The following PIWIL2 variants were observed in gnomAD, a reference collection of about 807,000 sequenced individuals.
PIWIL2 encodes piwi-like protein 2.
A neutral mutation model predicts 116.5 loss-of-function variants in PIWIL2; 81 were observed. The ratio of observed to expected loss-of-function variants is 0.70; its 90% confidence interval spans 0.58 to 0.84. PIWIL2 has a LOEUF of 0.84. Among genes scored for constraint, PIWIL2 ranks in the 40% least tolerant of loss-of-function variants. PIWIL2 has a pLI of 0.00. For missense variants in PIWIL2, 1,272 were observed against 1,212.3 expected (o/e 1.05, Z -0.73); for synonymous variants, 489 against 429.5 (o/e 1.14, Z -1.71).
At chr8:22,282,279 G>GTCTCACTC (rs1183041843) in intron 4 of PIWIL2, among the ~76,000 whole-genome samples, 2 of 92,980 alleles carry the variant, frequency 2.2e-5, no homozygotes, top group South Asian at 7.8e-4. Flanking sequence ...TTTGGAGACA[G>GTCTCACTC]TCTCACTCTG....
intron 10 of PIWIL2, among the ~76,000 whole-genome samples, chr8:22,292,852 CT>C (rs2132006154): frequency 6.6e-6 from 1 of 152,270 alleles, no homozygotes; most frequent in Non-Finnish European, 1.5e-5. Context: ...TGTGTCTCTC[CT>C]GATTTCTCAG....
chr8:22,347,712 A>G (rs1379298642), intron 20 of PIWIL2, among the ~76,000 whole-genome samples: 1 of 150,734 alleles, frequency 6.6e-6, no homozygotes, highest in Non-Finnish European at 1.5e-5. Context: ...TTTTTAGTAG[A>G]GACGGGGTTT....
chr8:22,283,565 C>G (rs770667176), intron 5 of PIWIL2, among the ~76,000 whole-genome samples: 6 of 152,172 alleles, frequency 3.9e-5, no homozygotes, highest in Admixed American at 2.0e-4. Flanking sequence ...CCCGCCATCA[C>G]CCCCACCTAA....
chr8:22,347,516 CTTT>C (rs1218303089), intron 20 of PIWIL2, among the ~76,000 whole-genome samples: 36 of 98,468 alleles, frequency 3.7e-4, no homozygotes, highest in Admixed American at 1.5e-3. Context: ...TGTGCCTGGC[CTTT>C]TTTTTTTTTT....
intron 2 of PIWIL2, among the ~76,000 whole-genome samples, chr8:22,280,036 A>G (rs1356775727): frequency 6.6e-6 from 1 of 152,160 alleles, no homozygotes; most frequent in Non-Finnish European, 1.5e-5. Context: ...TTTAACAAGT[A>G]GATACATCTG....
chr8:22,339,220 A>G (rs1279749415), intron 20 of PIWIL2, among the ~76,000 whole-genome samples: 1 of 152,134 alleles, frequency 6.6e-6, no homozygotes, highest in African/African-American at 2.4e-5. Flanking sequence ...TTAAAACTAT[A>G]AAACTGGCCA....
chr8:22,332,423 T>C (rs748159504), intron 20 of PIWIL2, among the ~76,000 whole-genome samples: 1 of 152,056 alleles, frequency 6.6e-6, no homozygotes, highest in South Asian at 2.1e-4. Flanking sequence ...CAGAAACATC[T>C]GAAAAGACGA....
intron 10 of PIWIL2, 90 bp from the exon 11 acceptor site, chr8:22,303,931 A>G (rs2132029713): frequency 1.3e-6 from 1 of 790,898 alleles, no homozygotes. Context: ...TATAGCTGTG[A>G]TTAGATTCCT....
chr8:22,290,706 C>T (rs916240658), intron 10 of PIWIL2, among the ~76,000 whole-genome samples: 1 of 149,340 alleles, frequency 6.7e-6, no homozygotes, highest in Non-Finnish European at 1.5e-5. Flanking sequence ...CCTACCTCAG[C>T]CTCTCAAGGT....
intron 9 of PIWIL2, 104 bp from the exon 10 acceptor site, chr8:22,290,129 C>A: frequency 1.3e-6 from 1 of 741,510 alleles, no homozygotes; most frequent in Non-Finnish European, 2.3e-6. Context: ...TTTCTCATTA[C>A]TATTAGGGAA....
chr8:22,322,032 T>C (rs74991958), intron 20 of PIWIL2: 1 of 960,584 alleles, frequency 1.0e-6, no homozygotes, highest in Admixed American at 6.2e-5. Flanking sequence ...TTTTTTTTTT[T>C]GTAAATAAAC....
chr8:22,318,332 T>C (rs1831515780), intron 20 of PIWIL2, 57 bp downstream of exon 20: 1 of 997,678 alleles, frequency 1.0e-6, no homozygotes, highest in African/African-American at 1.6e-5. Flanking sequence ...TATTTTTTTT[T>C]TTGAGACAGA....
At position 22,355,781 on chromosome 8, in the gene PIWIL2, T is replaced by TA; in HGVS notation, c.*278dup. On this transcript the variant is annotated 3_prime_UTR_variant, in exon 23 of 23. Transcript: ENST00000356766. ...GGAGCGGGTGACTCTGGGGGACCAT[T>TA]AAGACCTCCAGACCGGGTGCGGTGG... 2 of 415,012 alleles carry TA rather than the reference T, an allele frequency of 4.8e-6. No homozygotes were observed. Among genetic ancestry groups the TA allele is most frequent in the East Asian group, 9.0e-5 (2 of 22,274 alleles). The allele number at this position is 415,012 out of a possible 1,614,324, so 25.7% of individuals were successfully genotyped here.
At chr8:22,314,950 G>A in intron 17 of PIWIL2, 79 bp from the exon 18 acceptor site, 2 of 750,502 alleles carry the variant, frequency 2.7e-6, no homozygotes, top group African/African-American at 1.7e-5. Flanking sequence ...CAAATGTAAT[G>A]TTTACTTTAG....
rs750918149 is a variant in PIWIL2, at chr8:22,281,381, A to G, written c.291A>G (p.Arg97=). ...PLKREMLPSG[R]GILGRGLSAN... is the part of the protein sequence containing the mutation. ...GGGTTCGGTTCTTTCTTTCAGGTAGAGGCATTTTAGGTCGAGGCTTGTCTG... is the reference window on the plus strand; with the variant it reads ...GGGTTCGGTTCTTTCTTTCAGGTAGGGGCATTTTAGGTCGAGGCTTGTCTG... The change falls in exon 4 of 23, where the codon AGA becomes AGG. Residue 97 remains arginine (R), a synonymous_variant. Coordinates refer to ENST00000356766, the MANE Select transcript of PIWIL2 (RefSeq NM_018068.5). 4 of 1,609,198 alleles carry G rather than the reference A, an allele frequency of 2.5e-6. No individual in the cohort carries two copies. The highest frequency in any genetic ancestry group is 1.7e-4 in the Middle Eastern group (1 of 6,050).
At chr8:22,331,697 C>T (rs1321257902) in intron 20 of PIWIL2, among the ~76,000 whole-genome samples, 2 of 151,998 alleles carry the variant, frequency 1.3e-5, no homozygotes, top group African/African-American at 2.4e-5. Context: ...AATTTATTTC[C>T]TCACAGTTTC....
chr8:22,305,342 G>A (rs930392690), intron 12 of PIWIL2, among the ~76,000 whole-genome samples: 17 of 151,972 alleles, frequency 1.1e-4, no homozygotes, highest in Admixed American at 2.6e-4. Flanking sequence ...ACAGGAGCCC[G>A]CCACCACCCC....
chr8:22,277,617 C>CA (rs1297150418), intron 1 of PIWIL2, among the ~76,000 whole-genome samples: 1 of 152,096 alleles, frequency 6.6e-6, no homozygotes, highest in Non-Finnish European at 1.5e-5. Context: ...ATGGTCCTCC[C>CA]ACCTGGGCCT....
chr8:22,295,966 T>C lies in PIWIL2; in HGVS notation c.1181+5620T>C, dbSNP rs527255275. 2.0e-5 allele frequency among the ~76,000 whole-genome samples: 3 copies of C among 151,052 alleles called. No individual in the cohort carries two copies. The East Asian group carries it at 5.8e-4, about 29-fold the overall frequency. On this transcript the variant is annotated intron_variant, in intron 10 of 22. Transcript: ENST00000356766. ...AGAATCTGATCGGCTTCAGTTCGGC[T>C]GGTTGCTCTCCCGGCTGGCTGAACC...
Sources: allele counts gnomAD v4.1 joint callset (sites outside exome capture counted in the v4.1 genomes callset), GRCh38; gene constraint gnomAD v4.1.1; transcripts MANE v1.5; gene names NCBI Gene and HGNC (gene_info 2026-07-23, HGNC 2026-07-21).